PCDHGB5: variants seen among roughly 807,000 people sequenced by gnomAD.
PCDHGB5 encodes protocadherin gamma subfamily B, 5, also known as protocadherin gamma-B5.
A neutral mutation model predicts 62.9 loss-of-function variants in PCDHGB5; 48 were observed. The ratio of observed to expected loss-of-function variants is 0.76; its 90% CI spans 0.61 to 0.97. The LOEUF (loss-of-function observed/expected upper bound fraction) is 0.97, where lower values mean the gene tolerates loss of function less well. PCDHGB5 is among the 50% of genes least tolerant of loss of function. PCDHGB5 has a pLI of 0.00. For synonymous variants in PCDHGB5, 474 were observed against 511.2 expected, an observed-to-expected ratio of 0.93 and a Z score of 0.98; for missense variants, 1,118 against 1,198.6, an observed-to-expected ratio of 0.93 and a Z score of 0.99.
chr5:141,470,488 T>A (rs2099231812), intron 1 of PCDHGB5, among the ~76,000 whole-genome samples: 2 of 152,234 alleles, frequency 1.3e-5, no homozygotes, highest in South Asian at 4.1e-4. Flanking sequence ...CCTCTGGGAA[T>A]AATATTAGGT....
chr5:141,402,357 G>C (rs1486286220), intron 1 of PCDHGB5, among the ~76,000 whole-genome samples: 1 of 151,812 alleles, frequency 6.6e-6, no homozygotes, highest in Non-Finnish European at 1.5e-5. Flanking sequence ...AAAAATGAAT[G>C]TACTTCCAAA....
intron 1 of PCDHGB5, among the ~76,000 whole-genome samples, chr5:141,447,493 T>A (rs538320272): frequency 3.3e-5 from 5 of 152,186 alleles, no homozygotes; most frequent in East Asian, 1.9e-4. Flanking sequence ...AGAAGGAATG[T>A]TTAGGATAAA....
At position 141,477,806 on chromosome 5, in the gene PCDHGB5, G is replaced by GC; in HGVS notation, c.2398-16995dup. Reference sequence around the variant, plus strand: ...ATTTGTCACTGATCGCAATGACAATGCCCCCCAGGTCCTATATCCTCGGCC... The same window carrying GC: ...ATTTGTCACTGATCGCAATGACAATGCCCCCCCAGGTCCTATATCCTCGGCC... On this transcript the variant is annotated intron_variant, in intron 1 of 3. Transcript: ENST00000617380. This position sits in a 1 kb window ranked among gnomAD's most constrained non-coding sequence, Gnocchi z 4.9. 1 of 1,614,114 alleles carries GC rather than the reference G, an allele frequency of 6.2e-7. No homozygotes were observed.
intron 1 of PCDHGB5, among the ~76,000 whole-genome samples, chr5:141,464,436 TTTG>T (rs1043492514): frequency 1.1e-4 from 17 of 151,396 alleles, no homozygotes; most frequent in Non-Finnish European, 1.9e-4. Flanking sequence ...GATATATATG[TTTG>T]TTGTTGTTGT....
rs1358516648 is a variant in PCDHGB5, at chr5:141,489,199, A to C, written c.2398-5608A>C. The C allele has an allele frequency of 1.4e-6, 2 of 1,395,234 alleles. No individual in the cohort carries two copies. The highest frequency in any genetic ancestry group is 2.8e-5 in the South Asian group (2 of 71,520). The allele number at this position is 1,395,234 out of a possible 1,614,324, so 86.4% of individuals were successfully genotyped here. ...CAAGCCCTGGGTCTACCTTGGAGAC[A>C]GGACAGCACAGACTTACTCTCCACA... On this transcript the variant is annotated intron_variant, in intron 1 of 3. Transcript: ENST00000617380. The surrounding 1 kb of genome is among the most constrained non-coding windows in gnomAD (Gnocchi z 4.5).
intron 1 of PCDHGB5, chr5:141,405,458 T>C (rs2094670240): frequency 2.4e-6 from 3 of 1,231,152 alleles, no homozygotes; most frequent in Non-Finnish European, 2.3e-6. Flanking sequence ...CTTACTCTGT[T>C]ACCCAGGCTG....
chr5:141,408,058 G>A, intron 1 of PCDHGB5: 1 of 1,316,270 alleles, frequency 7.6e-7, no homozygotes. Flanking sequence ...GAGCCTCCCG[G>A]CTGCGCAGAC....
intron 1 of PCDHGB5, among the ~76,000 whole-genome samples, chr5:141,406,775 CACTT>C (rs2094850405): frequency 6.6e-6 from 1 of 152,200 alleles, no homozygotes; most frequent in Non-Finnish European, 1.5e-5. Context: ...ATATTTCTCT[CACTT>C]ATATATTATT....
intron 1 of PCDHGB5, chr5:141,419,472 G>A (rs1392935171): frequency 6.2e-7 from 1 of 1,612,330 alleles, no homozygotes; most frequent in Non-Finnish European, 8.5e-7. Flanking sequence ...CGCGACCAGG[G>A]CTCGCCCGCG....
intron 1 of PCDHGB5, chr5:141,413,467 G>C: frequency 1.2e-6 from 2 of 1,614,136 alleles, no homozygotes; most frequent in East Asian, 2.2e-5. Context: ...AGACCGGGAG[G>C]AGCTCTGCGC....
Position 141,431,645 on chromosome 5 carries a change from T to C in PCDHGB5, c.2397+31121T>C. ...GGCGGCCCAAGTTTTCAAACTAGAT[T>C]GTAATTCAGGGACAATATCAACAAT... is the stretch of plus-strand genomic sequence containing the variant. On this transcript the variant is annotated intron_variant, in intron 1 of 3. Coordinates refer to ENST00000617380, the MANE Select transcript of PCDHGB5 (RefSeq NM_018925.3). This position sits in a 1 kb window ranked among gnomAD's most constrained non-coding sequence, Gnocchi z 4.8. 6.2e-7 allele frequency: 1 copy of C among 1,614,236 alleles called. No individual in the cohort carries two copies.
At chr5:141,455,013 C>T (rs1468289988) in intron 1 of PCDHGB5, among the ~76,000 whole-genome samples, 2 of 151,130 alleles carry the variant, frequency 1.3e-5, no homozygotes, top group African/African-American at 4.9e-5. Context: ...GGGGTTTCAC[C>T]GTGTTAGCCA....
At position 141,498,660 on chromosome 5, in the gene PCDHGB5, G is replaced by A. The variant is rs969314533; in HGVS notation, c.2456+3795G>A. Among the ~76,000 whole-genome samples, 11 of 152,192 alleles carry A rather than the reference G, an allele frequency of 7.2e-5. No homozygotes were observed. In the East Asian group the frequency reaches 9.6e-4, roughly 13 times the overall value. ...GAAGGAAGAAGACCTGGCCAGGTGT[G>A]GTGGCTCACGCCTGTAATCCCAGCA... is the stretch of plus-strand genomic sequence containing the variant. On this transcript the variant is annotated intron_variant, in intron 2 of 3. Coordinates refer to ENST00000617380, the MANE Select transcript of PCDHGB5 (RefSeq NM_018925.3).
chr5:141,501,621 A>T (rs1348614977), intron 2 of PCDHGB5, among the ~76,000 whole-genome samples: 1 of 152,100 alleles, frequency 6.6e-6, no homozygotes, highest in Non-Finnish European at 1.5e-5. Context: ...ACTCTGGTAT[A>T]GTCTCTCAAC....
At position 141,487,128 on chromosome 5, in the gene PCDHGB5, G is replaced by A; in HGVS notation, c.2398-7679G>A. The A allele has an allele frequency of 6.2e-7, 1 of 1,614,086 alleles. No individual in the cohort carries two copies. ...GTCATTGTGGTAAAGGATAGTGGTA[G>A]TCCACCACTCTCTACCTCTGTTACT... is the stretch of plus-strand genomic sequence containing the variant. On this transcript the variant is annotated intron_variant, in intron 1 of 3. Transcript: ENST00000617380. This position sits in a 1 kb window ranked among gnomAD's most constrained non-coding sequence, Gnocchi z 5.0.
intron 1 of PCDHGB5, among the ~76,000 whole-genome samples, chr5:141,480,839 G>A (rs1397361640): frequency 6.6e-6 from 1 of 152,196 alleles, no homozygotes; most frequent in Non-Finnish European, 1.5e-5. Context: ...AAGATCAGGA[G>A]TTTGAGACCA....
At chr5:141,421,702 A>G (rs2096594027) in intron 1 of PCDHGB5, 1 of 1,613,950 alleles carries the variant, frequency 6.2e-7, no homozygotes, top group Non-Finnish European at 8.5e-7. Context: ...TCCTAATGCT[A>G]GGGATCCAGA....
At chr5:141,497,214 G>C (rs929868102) in intron 2 of PCDHGB5, among the ~76,000 whole-genome samples, 2 of 152,138 alleles carry the variant, frequency 1.3e-5, no homozygotes, top group African/African-American at 4.8e-5. Flanking sequence ...TGTAATGGGG[G>C]GGGGAAGATC....
Position 141,398,107 on chromosome 5 carries a change from A to C in PCDHGB5, c.-21A>C. ...ACCTGGCGTCTCCAGGCTGGTGAGC[A>C]AGCTGAGGAGAGCAAGAGGGATGGG... On this transcript the variant is annotated 5_prime_UTR_variant, in exon 1 of 4. Coordinates refer to ENST00000617380, the MANE Select transcript of PCDHGB5 (RefSeq NM_018925.3). 1 of 1,595,524 alleles carries C rather than the reference A, an allele frequency of 6.3e-7. No homozygotes were observed. The highest frequency in any genetic ancestry group is 8.5e-7 in the Non-Finnish European group (1 of 1,172,182).
Sources: allele counts gnomAD v4.1 joint callset (sites outside exome capture counted in the v4.1 genomes callset), GRCh38; gene constraint gnomAD v4.1.1; non-coding constraint Gnocchi (gnomAD v3.1); transcripts MANE v1.5; gene names NCBI Gene and HGNC (gene_info 2026-07-23, HGNC 2026-07-21).